The following AKT1 variants were observed in gnomAD, a reference collection of about 807,000 sequenced individuals.
AKT1 encodes AKT serine/threonine kinase 1.
In AKT1, 21 loss-of-function variants were observed where a neutral mutation model predicts 63.1. The observed-to-expected ratio is 0.33, with a 90% CI of 0.24 to 0.48. The LOEUF is 0.48. AKT1 is among the 20% of genes least tolerant of loss of function. The pLI is 0.99. For synonymous variants in AKT1, 257 were observed against 253.1 expected, an observed-to-expected ratio of 1.02 and a Z score of -0.15; for missense variants, 382 against 666.0, an observed-to-expected ratio of 0.57 and a Z score of 4.69.
chr14:104,792,658 CCGCGACGCTCA>C lies in AKT1; in HGVS notation c.-26_-16del. 6.2e-7 allele frequency: 1 copy of C among 1,609,012 alleles called. No homozygotes were observed. Among genetic ancestry groups the C allele is most frequent in the Non-Finnish European group, 8.5e-7 (1 of 1,179,854 alleles). ...ACGTCGCTCATGGTGCCCGAGGCTC[CCGCGACGCTCA>C]CGCGCTCCTCTCAGGCTGGCGCTCC... is the stretch of plus-strand genomic sequence containing the variant. On this transcript the variant is annotated 5_prime_UTR_variant, in exon 3 of 15. Transcript: ENST00000649815.
intron 3 of AKT1, among the ~76,000 whole-genome samples, chr14:104,783,978 C>T (rs1034396361): frequency 6.6e-6 from 1 of 152,192 alleles, no homozygotes; most frequent in Admixed American, 6.5e-5. Context: ...GAGTGGAGGA[C>T]GGCACTGGGG....
chr14:104,776,116 C>T (rs1321710476), intron 5 of AKT1: 4 of 293,628 alleles, frequency 1.4e-5, no homozygotes, highest in Non-Finnish European at 2.5e-5. Flanking sequence ...CCAAGCAGGA[C>T]TCCGCCCCCC....
chr14:104,773,324 A>G lies in AKT1; in HGVS notation c.884T>C (p.Leu295Pro). ...ACCGTCCTTGATCCCCTCCTTGCAC[A>G]GCCCGAAGTCTGTGATCTTAATGTG... ...DGHIKITDFG[L>P]CKEGIKDGAT... The change falls in exon 11 of 15, where the codon CTG becomes CCG. Residue 295 changes from leucine to proline, a missense_variant. By Grantham distance (98) the Leu-to-Pro change is moderately conservative. Around this residue, in one of 3 missense-constraint regions of AKT1, gnomAD observed 66 missense variants for 179.1 expected, o/e 0.37. Transcript: ENST00000649815. 1 of 1,614,200 alleles carries G rather than the reference A, an allele frequency of 6.2e-7. No individual in the cohort carries two copies. Among genetic ancestry groups the G allele is most frequent in the Non-Finnish European group, 8.5e-7 (1 of 1,180,008 alleles).
At chr14:104,775,875 G>A (rs1198005312) in intron 5 of AKT1, 76 bp from the exon 6 acceptor site, 9 of 1,533,458 alleles carry the variant, frequency 5.9e-6, no homozygotes, top group Non-Finnish European at 7.9e-6. Context: ...CCACCCGCCA[G>A]CCTCACAAGC....
At chr14:104,774,443 C>T (rs569837331) in intron 8 of AKT1, 8 of 227,216 alleles carry the variant, frequency 3.5e-5, no homozygotes, top group Admixed American at 5.1e-5. Flanking sequence ...GCGAGACCCA[C>T]CCTCCCGCCT....
At chr14:104,770,890 C>A in intron 13 of AKT1, 43 bp from the exon 14 acceptor site, 1 of 1,556,626 alleles carries the variant, frequency 6.4e-7, no homozygotes, top group East Asian at 2.3e-5. Flanking sequence ...CTTCGCTCCC[C>A]ACTCCCAGCA....
chr14:104,780,266 C>A (rs1223946647), intron 3 of AKT1, 50 bp from the exon 4 acceptor site: 1 of 1,596,900 alleles, frequency 6.3e-7, no homozygotes, highest in Non-Finnish European at 8.6e-7. Context: ...CCGTCAGACC[C>A]TCGCCAGGCA....
At chr14:104,772,316 G>A (rs1892435938) in intron 13 of AKT1, 49 bp downstream of exon 13, 2 of 1,588,776 alleles carry the variant, frequency 1.3e-6, no homozygotes, top group Non-Finnish European at 1.7e-6. Context: ...CGTGAGTGTG[G>A]ATATGTGGGG....
At chr14:104,784,403 G>A (rs933424292) in intron 3 of AKT1, among the ~76,000 whole-genome samples, 8 of 152,058 alleles carry the variant, frequency 5.3e-5, no homozygotes, top group African/African-American at 7.2e-5. Flanking sequence ...GTCCCTGCCC[G>A]GGGGGACAGC....
At chr14:104,775,487 G>A in intron 6 of AKT1, 165 bp downstream of exon 6, 1 of 1,129,958 alleles carries the variant, frequency 8.8e-7, no homozygotes, top group Non-Finnish European at 1.2e-6. Context: ...ATGGGGAAGA[G>A]GACCCACCTG....
intron 3 of AKT1, among the ~76,000 whole-genome samples, chr14:104,784,774 C>G (rs1227083055): frequency 6.6e-6 from 1 of 152,170 alleles, no homozygotes; most frequent in African/African-American, 2.4e-5. Flanking sequence ...GCGGCACCCA[C>G]TTAGACATGG....
chr14:104,773,042 G>A lies in AKT1; in HGVS notation c.1008C>T (p.Gly336=), dbSNP rs1489572550. ...CGCACATCATCTCGTACATGACCAC[G>A]CCCAGCCCCCACCAGTCCACTGCAC... is the stretch of plus-strand genomic sequence containing the variant. The part of the protein sequence containing the change: ...YGRAVDWWGL[G]VVMYEMMCGR... Residue 336 remains glycine (G), a synonymous_variant, in exon 12 of 15, where the codon GGC becomes GGT. Coordinates refer to ENST00000649815, the MANE Select transcript of AKT1 (RefSeq NM_001382430.1). The A allele has an allele frequency of 6.8e-6, 11 of 1,614,086 alleles. No individual in the cohort carries two copies. Among genetic ancestry groups the A allele is most frequent in the Middle Eastern group, 1.6e-4 (1 of 6,062 alleles).
Position 104,795,704 on chromosome 14 carries a change from C to A in AKT1, c.-478G>T, listed in dbSNP as rs575429386. The A allele has an allele frequency of 1.4e-5, 2 of 146,658 alleles. No individual in the cohort carries two copies. Among genetic ancestry groups the A allele is most frequent in the Admixed American group, 6.8e-5 (1 of 14,718 alleles). 9.1% of individuals were successfully genotyped at this position (146,658 alleles called of 1,614,324 possible). On this transcript the variant is annotated 5_prime_UTR_variant, in exon 1 of 15. Transcript: ENST00000649815. The surrounding 1 kb of genome is among the most constrained non-coding windows in gnomAD (Gnocchi z 5.1). ...CTGCTCCCGTCTTCGGGCCGCGCTGCGTGCGCTGGGCCAGCCGCCTGCCGC... is the reference window on the plus strand; with the variant it reads ...CTGCTCCCGTCTTCGGGCCGCGCTGAGTGCGCTGGGCCAGCCGCCTGCCGC...
intron 3 of AKT1, among the ~76,000 whole-genome samples, chr14:104,789,108 A>G (rs1478849296): frequency 6.6e-6 from 1 of 152,192 alleles, no homozygotes; most frequent in Non-Finnish European, 1.5e-5. Context: ...CCAGGCCTGC[A>G]GCTCTTCCCC....
At chr14:104,793,878 T>G (rs1319955397) in intron 1 of AKT1, 2 of 152,204 alleles carry the variant, frequency 1.3e-5, no homozygotes, top group East Asian at 3.9e-4. Context: ...AGGAGGGTCC[T>G]CTCTGGGACC....
At chr14:104,779,840 C>G (rs1286695580) in intron 4 of AKT1, among the ~76,000 whole-genome samples, 1 of 151,756 alleles carries the variant, frequency 6.6e-6, no homozygotes, top group Admixed American at 6.6e-5. Context: ...CCTGCCCAGC[C>G]AGCCTCGGCC....
chr14:104,783,567 G>A (rs1893185932), intron 3 of AKT1, among the ~76,000 whole-genome samples: 1 of 133,614 alleles, frequency 7.5e-6, no homozygotes, highest in African/African-American at 2.8e-5. Flanking sequence ...ACCAAACACA[G>A]AGTGGGCACA....
intron 3 of AKT1, among the ~76,000 whole-genome samples, chr14:104,784,409 A>T (rs2140975455): frequency 6.6e-6 from 1 of 151,764 alleles, no homozygotes; most frequent in East Asian, 1.9e-4. Context: ...GCCCGGGGGG[A>T]CAGCGGAGAC....
chr14:104,772,755 G>A (rs1270967803), intron 12 of AKT1, 123 bp downstream of exon 12: 39 of 1,132,028 alleles, frequency 3.4e-5, no homozygotes, highest in Non-Finnish European at 3.2e-5. Context: ...CCTGGCCAAG[G>A]ACATCAAGCT....
Sources: gnomAD v4.1 joint callset for allele counts (sites outside exome capture counted in the v4.1 genomes callset) on GRCh38, gnomAD v4.1.1 for gene constraint, gnomAD v4.1.1 regional missense constraint, Gnocchi (gnomAD v3.1) non-coding constraint, MANE v1.5 for transcripts, NCBI Gene and HGNC (gene_info 2026-07-23, HGNC 2026-07-21) for gene names.